The following KREMEN1 variants were observed in gnomAD, a reference collection of about 807,000 sequenced individuals.
KREMEN1 encodes the protein kremen protein 1.
In KREMEN1, 30 loss-of-function variants were observed where a neutral mutation model predicts 46.5. The observed-to-expected ratio is 0.65, with a 90% CI of 0.48 to 0.88. The LOEUF is 0.88. Among genes scored for constraint, KREMEN1 ranks in the 40% least tolerant of loss-of-function variants. The pLI is 0.00. For synonymous variants in KREMEN1, 214 were observed against 230.6 expected (o/e 0.93, Z 0.65); for missense variants, 533 against 596.9 (o/e 0.89, Z 1.11).
intron 3 of KREMEN1, among the ~76,000 whole-genome samples, chr22:29,121,150 C>A (rs569234268): frequency 6.6e-6 from 1 of 150,510 alleles, no homozygotes; most frequent in South Asian, 2.1e-4. Context: ...GACCTAGTCT[C>A]ACATACTCTT....
chr22:29,131,865 C>CTTTTTTT (rs71196633), intron 5 of KREMEN1, among the ~76,000 whole-genome samples: 8 of 45,860 alleles, frequency 1.7e-4, no homozygotes, highest in African/African-American at 4.8e-4. Flanking sequence ...TAGAATAATG[C>CTTTTTTT]TTTTTTTTTT....
intron 2 of KREMEN1, among the ~76,000 whole-genome samples, chr22:29,097,826 A>G (rs1220278439): frequency 6.6e-6 from 1 of 152,140 alleles, no homozygotes; most frequent in Non-Finnish European, 1.5e-5. Context: ...TTTCCTAAAT[A>G]AGTCTTTTCA....
chr22:29,137,568 G>C lies in KREMEN1; in HGVS notation c.858G>C (p.Gly286=), dbSNP rs1438378590. ...ACCGTGTCCTAGCCCGCTTCCACGG[G>C]AGGAGCCGCCCACCTCTGTCCTTCA... ...YTHRVLARFH[G]RSRPPLSFNV... Residue 286 remains glycine (G), a synonymous_variant, in exon 6 of 9, where the codon GGG becomes GGC. Transcript: ENST00000400335. 1 of 1,613,868 alleles carries C rather than the reference G, an allele frequency of 6.2e-7. No homozygotes were observed. The highest frequency in any genetic ancestry group is 1.7e-5 in the Admixed American group (1 of 60,020).
At chr22:29,152,026 A>AG (rs1556019551) in intron 9 of KREMEN1, among the ~76,000 whole-genome samples, 1 of 147,180 alleles carries the variant, frequency 6.8e-6, no homozygotes, top group South Asian at 2.1e-4. Context: ...AAAAAAAAAA[A>AG]GCACAGGAGT....
At chr22:29,160,289 G>A (rs2038999161) in intron 9 of KREMEN1, among the ~76,000 whole-genome samples, 1 of 151,928 alleles carries the variant, frequency 6.6e-6, no homozygotes, top group Admixed American at 6.6e-5. Context: ...CTAGCACTTC[G>A]GGAGGCCAAG....
chr22:29,098,334 A>G (rs2037916033), intron 2 of KREMEN1, among the ~76,000 whole-genome samples: 1 of 152,210 alleles, frequency 6.6e-6, no homozygotes, highest in South Asian at 2.1e-4. Context: ...TGTTTTTTAT[A>G]TTATAAAAAT....
At chr22:29,120,090 AGGG>A (rs1449690870) in intron 3 of KREMEN1, among the ~76,000 whole-genome samples, 11 of 97,372 alleles carry the variant, frequency 1.1e-4, no homozygotes, top group South Asian at 4.9e-4. Context: ...GAAATGGAGG[AGGG>A]AGAGGTGATG....
rs1807687 is a variant in KREMEN1 at position 29,115,284 on chromosome 22, G to C, written c.353-6073G>C. 1.3e-3 allele frequency among the ~76,000 whole-genome samples: 191 copies of C among 152,328 alleles called. 1 individual carries two copies. Among genetic ancestry groups the C allele is most frequent in the Non-Finnish European group, 2.1e-3 (146 of 68,030 alleles). Reference sequence around the variant, plus strand: ...ACAGTGGACTTTGAGGACTCAGGGGGAAAAGGTGGGAACGGGGTGAGGGAT... The same window carrying C: ...ACAGTGGACTTTGAGGACTCAGGGGCAAAAGGTGGGAACGGGGTGAGGGAT... On this transcript the variant is annotated intron_variant, in intron 3 of 8. Coordinates refer to ENST00000400335, the MANE Select transcript of KREMEN1 (RefSeq NM_001039570.3).
chr22:29,099,833 C>A (rs1274323890), intron 3 of KREMEN1, among the ~76,000 whole-genome samples: 1 of 148,904 alleles, frequency 6.7e-6, no homozygotes, highest in Non-Finnish European at 1.5e-5. Flanking sequence ...CAGGCGTGAG[C>A]CACCACACCC....
intron 9 of KREMEN1, among the ~76,000 whole-genome samples, chr22:29,163,721 A>G (rs1340297186): frequency 1.3e-5 from 2 of 151,978 alleles, no homozygotes; most frequent in Admixed American, 1.3e-4. Flanking sequence ...TAATACAGGT[A>G]CTCAGGGACA....
At chr22:29,151,325 G>T (rs766363011), downstream of KREMEN1, among the ~76,000 whole-genome samples, 1 of 152,146 alleles carries the variant, frequency 6.6e-6, no homozygotes, top group East Asian at 1.9e-4. Context: ...ATAATAATAC[G>T]AATAACAGGA....
chr22:29,164,078 T>A (rs1454661730), intron 9 of KREMEN1, among the ~76,000 whole-genome samples: 1 of 152,186 alleles, frequency 6.6e-6, no homozygotes, highest in Non-Finnish European at 1.5e-5. Context: ...GCCTCCCGAG[T>A]AGCTGGGATT....
rs1467933029 is a variant in KREMEN1 at position 29,089,588 on chromosome 22, TA to T, written c.98-4668del. ...ACAGCTAGACAATTCTATTAAAAGA[TA>T]AGTCACAAAAATGAATAAATAAAGA... On this transcript the variant is annotated intron_variant, in intron 1 of 8. Coordinates refer to ENST00000400335, the MANE Select transcript of KREMEN1 (RefSeq NM_001039570.3). Among the ~76,000 whole-genome samples, 4 of 140,202 alleles carry T rather than the reference TA, an allele frequency of 2.9e-5. No homozygotes were observed. The East Asian group carries it at 7.7e-4, about 27-fold the overall frequency. 92.0% of individuals were successfully genotyped at this position (140,202 alleles called of 152,430 possible). A position where few individuals can be genotyped will look rare whatever the true frequency, so the allele number is the denominator to read the frequency against.
At chr22:29,165,237 C>T (rs2039043140) in intron 9 of KREMEN1, among the ~76,000 whole-genome samples, 1 of 151,916 alleles carries the variant, frequency 6.6e-6, no homozygotes, top group Non-Finnish European at 1.5e-5. Flanking sequence ...GAGCAAGACC[C>T]TATCTCTACA....
intron 9 of KREMEN1, among the ~76,000 whole-genome samples, chr22:29,161,906 A>G (rs1366640258): frequency 1.3e-5 from 2 of 152,118 alleles, no homozygotes; most frequent in East Asian, 1.9e-4. Context: ...ACTAGAGGCC[A>G]TAAGTTCGAG....
chr22:29,104,683 G>A (rs1229537240), intron 3 of KREMEN1, among the ~76,000 whole-genome samples: 3 of 152,136 alleles, frequency 2.0e-5, no homozygotes, highest in African/African-American at 7.2e-5. Flanking sequence ...AAGGTGGGCG[G>A]ATCACCTGAG....
chr22:29,154,129 C>G (rs1265059095), intron 9 of KREMEN1, among the ~76,000 whole-genome samples: 1 of 152,110 alleles, frequency 6.6e-6, no homozygotes, highest in African/African-American at 2.4e-5. Context: ...CAGGGGACCA[C>G]CAGGAGCAGG....
chr22:29,119,225 C>A (rs915005626), intron 3 of KREMEN1, among the ~76,000 whole-genome samples: 1 of 152,116 alleles, frequency 6.6e-6, no homozygotes, highest in Non-Finnish European at 1.5e-5. Flanking sequence ...TATAGGTGAA[C>A]TGCAGATGAA....
At chr22:29,091,266 C>T (rs2037800856) in intron 1 of KREMEN1, among the ~76,000 whole-genome samples, 2 of 152,166 alleles carry the variant, frequency 1.3e-5, no homozygotes, top group South Asian at 4.1e-4. Context: ...AGCCACTGTG[C>T]CCGGCCATGG....
Sources: gnomAD v4.1 joint callset for allele counts (sites outside exome capture counted in the v4.1 genomes callset) on GRCh38, gnomAD v4.1.1 for gene constraint, MANE v1.5 for transcripts, NCBI Gene and HGNC (gene_info 2026-07-23, HGNC 2026-07-21) for gene names.